Variants in SAMSN1 observed in about 807,000 individuals in gnomAD.
SAMSN1 encodes the protein SAM domain-containing protein SAMSN-1.
SAMSN1 carries 31 observed loss-of-function variants against 42.0 expected under a neutral mutation model. That is an observed-to-expected ratio of 0.74 (90% CI 0.55 to 1.00). The LOEUF (loss-of-function observed/expected upper bound fraction) is 1.00, where lower values mean the gene tolerates loss of function less well. Among genes scored for constraint, SAMSN1 ranks in the 50% least tolerant of loss-of-function variants. The pLI is 0.00. For synonymous variants in SAMSN1, 178 were observed against 151.9 expected (o/e 1.17, Z -1.26); for missense variants, 464 against 439.4 (o/e 1.06, Z -0.50).
intron 4 of SAMSN1, among the ~76,000 whole-genome samples, chr21:14,610,206 C>T (rs969001936): frequency 3.9e-5 from 6 of 152,050 alleles, no homozygotes; most frequent in Non-Finnish European, 8.8e-5. Flanking sequence ...GAATTCTTTC[C>T]CCAGTAAGGA....
chr21:14,544,279 G>A (rs1202823743), intron 1 of SAMSN1, among the ~76,000 whole-genome samples: 1 of 152,100 alleles, frequency 6.6e-6, no homozygotes, highest in Non-Finnish European at 1.5e-5. Flanking sequence ...TGGAACTCCT[G>A]AACTCAAGTG....
chr21:14,625,364 T>C (rs1033212340), intron 2 of SAMSN1, among the ~76,000 whole-genome samples: 3 of 152,206 alleles, frequency 2.0e-5, no homozygotes, highest in Non-Finnish European at 4.4e-5. Context: ...GACATGATTG[T>C]ATATTTAGAA....
intron 2 of SAMSN1, among the ~76,000 whole-genome samples, chr21:14,576,365 A>C (rs771894820): frequency 3.9e-5 from 6 of 152,160 alleles, no homozygotes; most frequent in Non-Finnish European, 7.3e-5. Context: ...GAGAATAGAG[A>C]GACAAAATGG....
At chr21:14,553,624 A>G (rs967271122) in intron 2 of SAMSN1, among the ~76,000 whole-genome samples, 1 of 152,136 alleles carries the variant, frequency 6.6e-6, no homozygotes, top group African/African-American at 2.4e-5. Context: ...GAAAAAGGGC[A>G]CTTACATCCT....
chr21:14,564,544 A>G (rs1981049377), intron 2 of SAMSN1, among the ~76,000 whole-genome samples: 1 of 152,206 alleles, frequency 6.6e-6, no homozygotes. Context: ...GTCTGACACC[A>G]CTGTACCACA....
chr21:14,627,607 C>G (rs1983216951), intron 2 of SAMSN1, among the ~76,000 whole-genome samples: 1 of 152,284 alleles, frequency 6.6e-6, no homozygotes, highest in African/African-American at 2.4e-5. Context: ...TACAAATTGT[C>G]TGGAGGCCCA....
intron 2 of SAMSN1, among the ~76,000 whole-genome samples, chr21:14,616,878 A>T (rs1228118492): frequency 6.6e-6 from 1 of 152,220 alleles, no homozygotes; most frequent in African/African-American, 2.4e-5. Flanking sequence ...TGATTCTATT[A>T]TTCAGGTCGT....
At chr21:14,549,800 CT>C (rs1568804503), upstream of SAMSN1, among the ~76,000 whole-genome samples, 1 of 152,072 alleles carries the variant, frequency 6.6e-6, no homozygotes, top group East Asian at 1.9e-4. Flanking sequence ...TTCCTCTCTT[CT>C]TTTTGGCCCC....
intron 2 of SAMSN1, among the ~76,000 whole-genome samples, chr21:14,626,949 A>G (rs1488091398): frequency 1.3e-5 from 2 of 152,216 alleles, no homozygotes; most frequent in Admixed American, 6.5e-5. Context: ...ATGCAGCCAT[A>G]AAAAATGATG....
At position 14,492,019 on chromosome 21, in the gene SAMSN1, TACTTC is replaced by T. The variant is rs932508768; in HGVS notation, c.920-5910_920-5906del. Among the ~76,000 whole-genome samples the T allele has an allele frequency of 4.8e-3, 731 of 152,282 alleles. 5 individuals carry two copies. Among genetic ancestry groups the T allele is most frequent in the African/African-American group, 0.016 (683 of 41,554 alleles). ...TTTTTTAACATAACACCTTCAAAAC[TACTTC>T]ATTGTTTGGGTATATCTTAATTTAT... On this transcript the variant is annotated intron_variant, in intron 7 of 7. Coordinates refer to ENST00000400566, the MANE Select transcript of SAMSN1 (RefSeq NM_022136.5).
intron 1 of SAMSN1, among the ~76,000 whole-genome samples, chr21:14,529,882 T>A (rs1979128652): frequency 6.6e-6 from 1 of 152,214 alleles, no homozygotes; most frequent in African/African-American, 2.4e-5. Flanking sequence ...AATTTATAGT[T>A]TGTCTACAGA....
chr21:14,649,647 G>T (rs1983792875), intron 1 of SAMSN1, among the ~76,000 whole-genome samples: 1 of 151,942 alleles, frequency 6.6e-6, no homozygotes, highest in Non-Finnish European at 1.5e-5. Flanking sequence ...GCACACACCT[G>T]TAATCCCAGC....
chr21:14,565,917 C>G (rs761639908), intron 2 of SAMSN1, among the ~76,000 whole-genome samples: 6 of 152,214 alleles, frequency 3.9e-5, no homozygotes, highest in Non-Finnish European at 5.9e-5. Flanking sequence ...ACCAACAAAC[C>G]TTGTCTCCTT....
intron 3 of SAMSN1, chr21:14,615,931 A>G (rs1300441808): frequency 1.9e-6 from 1 of 517,680 alleles, no homozygotes; most frequent in East Asian, 3.1e-5. Flanking sequence ...ATTCAACATT[A>G]CAGAACTAAG....
intron 5 of SAMSN1, among the ~76,000 whole-genome samples, chr21:14,507,197 T>C (rs1167359481): frequency 3.9e-5 from 6 of 152,102 alleles, no homozygotes; most frequent in Admixed American, 6.5e-5. Context: ...GCCAGAGCAA[T>C]CAGACAAGAG....
chr21:14,496,447 A>G (rs1986918799), intron 7 of SAMSN1: 1 of 152,076 alleles, frequency 6.6e-6, no homozygotes, highest in Non-Finnish European at 1.5e-5. Context: ...TTCAAAAAAT[A>G]CTCTTCTCCT....
At chr21:14,641,146 C>A (rs778197315) in intron 2 of SAMSN1, among the ~76,000 whole-genome samples, 3 of 152,100 alleles carry the variant, frequency 2.0e-5, no homozygotes, top group Non-Finnish European at 4.4e-5. Flanking sequence ...TTATATCTCT[C>A]ACACTAATAT....
At chr21:14,549,561 A>C (rs188347942), upstream of SAMSN1, among the ~76,000 whole-genome samples, 744 of 152,256 alleles carry the variant, frequency 4.9e-3, 6 homozygotes, top group African/African-American at 0.016. Flanking sequence ...AATACTCCTG[A>C]CTATACCTCA....
At chr21:14,648,157 TC>T (rs1983756394) in intron 1 of SAMSN1, among the ~76,000 whole-genome samples, 1 of 151,920 alleles carries the variant, frequency 6.6e-6, no homozygotes, top group African/African-American at 2.4e-5. Context: ...TTGAAATACA[TC>T]CCATCAATAC....
Sources: allele counts gnomAD v4.1 joint callset (sites outside exome capture counted in the v4.1 genomes callset), GRCh38; gene constraint gnomAD v4.1.1; transcripts MANE v1.5; gene names NCBI Gene and HGNC (gene_info 2026-07-23, HGNC 2026-07-21).